Variants in VCAN observed in about 807,000 individuals in gnomAD.
The protein encoded by VCAN is versican.
A neutral mutation model predicts 245.5 loss-of-function variants in VCAN; 44 were observed. The observed-to-expected ratio is 0.18, with a 90% CI of 0.14 to 0.23. VCAN has a LOEUF of 0.23. Among genes scored for constraint, VCAN ranks in the 10% least tolerant of loss-of-function variants. The pLI is 1.00. For synonymous variants in VCAN, 1,413 were observed against 1,437.0 expected (o/e 0.98, Z 0.38); for missense variants, 3,793 against 4,057.9 (o/e 0.93, Z 1.77).
chr5:83,562,848 C>T (rs1177873575), intron 12 of VCAN, among the ~76,000 whole-genome samples: 6 of 141,700 alleles, frequency 4.2e-5, no homozygotes, highest in African/African-American at 1.5e-4. Context: ...TCACAGTGGT[C>T]TCACAGTGCG....
rs1197163635 is a variant in VCAN at position 83,512,160 on chromosome 5, A to C, written c.806A>C (p.Glu269Ala). ...SKFTFEEAAKECENQDARLAT... is the reference protein window; with the variant it reads ...SKFTFEEAAKACENQDARLAT... ...TTCACCTTCGAGGAGGCTGCAAAAG[A>C]GTGTGAAAACCAGGATGCCAGGCTG... Residue 269 changes from glutamate (E) to alanine (A), a missense_variant, in exon 6 of 15, where the codon GAG becomes GCG. This residue lies in a region of VCAN where 190 missense variants were observed against 288.6 expected (regional missense o/e 0.66). Coordinates refer to ENST00000265077, the MANE Select transcript of VCAN (RefSeq NM_004385.5). The C allele has an allele frequency of 1.2e-6, 2 of 1,613,948 alleles. No homozygotes were observed. The highest frequency in any genetic ancestry group is 1.7e-6 in the Non-Finnish European group (2 of 1,180,028).
At chr5:83,478,028 C>T (rs762238380) in intron 1 of VCAN, among the ~76,000 whole-genome samples, 8 of 151,632 alleles carry the variant, frequency 5.3e-5, no homozygotes, top group Middle Eastern at 3.4e-3. Flanking sequence ...CTGCAACCTC[C>T]GCCTTCCAGG....
chr5:83,495,952 T>TATCA (rs1436880593), intron 5 of VCAN, among the ~76,000 whole-genome samples: 1 of 152,214 alleles, frequency 6.6e-6, no homozygotes, highest in Non-Finnish European at 1.5e-5. Flanking sequence ...ATAGAGCTAC[T>TATCA]ATCAGCTCTT....
intron 13 of VCAN, among the ~76,000 whole-genome samples, chr5:83,576,149 A>G (rs1748466368): frequency 6.6e-6 from 1 of 152,070 alleles, no homozygotes; most frequent in East Asian, 1.9e-4. Context: ...GTATCTGTGG[A>G]GTATCCTGTG....
At chr5:83,479,519 G>A (rs1744540220) in intron 1 of VCAN, among the ~76,000 whole-genome samples, 1 of 152,098 alleles carries the variant, frequency 6.6e-6, no homozygotes, top group Non-Finnish European at 1.5e-5. Flanking sequence ...CACTGGAGTA[G>A]AAGGCTAAAT....
In VCAN at chr5:83,519,730, A is replaced by T; in HGVS notation, c.1424A>T (p.Asp475Val). Residue 475 changes from aspartate to valine, a missense_variant, in exon 7 of 15, where the codon GAT becomes GTT. Around this residue, in one of 5 missense-constraint regions of VCAN, gnomAD observed 3,182 missense variants for 3,250.3 expected, o/e 0.98. Transcript: ENST00000265077. ...TCTCATTATGCTACGGATTCATGGG[A>T]TGGTGTCGTGGAAGATAAACAAACA... ...GVSHYATDSWDGVVEDKQTQE... is the reference protein window; with the variant it reads ...GVSHYATDSWVGVVEDKQTQE... 6.2e-7 allele frequency: 1 copy of T among 1,614,160 alleles called. No homozygotes were observed. Among genetic ancestry groups the T allele is most frequent in the Middle Eastern group, 1.6e-4 (1 of 6,062 alleles).
rs146336600 is a variant in VCAN at position 83,541,092 on chromosome 5, C to G, written c.8089C>G (p.Arg2697Gly). 1 of 1,614,046 alleles carries G rather than the reference C, an allele frequency of 6.2e-7. No homozygotes were observed. Among genetic ancestry groups the G allele is most frequent in the Non-Finnish European group, 8.5e-7 (1 of 1,179,980 alleles). Residue 2697 changes from arginine (R) to glycine (G), a missense_variant, in exon 8 of 15, where the codon CGT becomes GGT. Arg to Gly is a moderately radical substitution (Grantham distance 125). Transcript: ENST00000265077. Reference protein sequence around the residue: ...LPTATSLPIPRKSATVIPEIE... With the variant: ...LPTATSLPIPGKSATVIPEIE... ...CACGGCAACATCCCTGCCAATTCCT[C>G]GTAAGTCTGCCACAGTTATTCCAGA...
At position 83,512,236 on chromosome 5, in the gene VCAN, C is replaced by T. The variant is rs751444743; in HGVS notation, c.882C>T (p.Cys294=). Residue 294 remains cysteine, a synonymous_variant, in exon 6 of 15, where the codon TGC becomes TGT. Transcript: ENST00000265077. ...CATGGAGGAACGGCTTTGACCAGTG[C>T]GATTACGGGTGGCTGTCGGATGCCA... ...QAAWRNGFDQ[C]DYGWLSDASV... is the part of the protein sequence containing the mutation. 31 of 1,613,978 alleles carry T rather than the reference C, an allele frequency of 1.9e-5. No individual in the cohort carries two copies. Among genetic ancestry groups the T allele is most frequent in the Admixed American group, 5.0e-5 (3 of 59,992 alleles).
chr5:83,530,620 G>T (rs1286068944), intron 7 of VCAN, among the ~76,000 whole-genome samples: 2 of 151,994 alleles, frequency 1.3e-5, no homozygotes, highest in Non-Finnish European at 1.5e-5. Context: ...GCCTATTTTT[G>T]TCACTTTAGA....
intron 12 of VCAN, among the ~76,000 whole-genome samples, chr5:83,565,581 T>G (rs13164785): frequency 0.2 from 29,810 of 152,058 alleles, 3,235 homozygotes; most frequent in South Asian, 0.42. Flanking sequence ...TTCTAAACAG[T>G]GTCTGACTCT....
At chr5:83,547,863 A>T in intron 9 of VCAN, 108 bp from the exon 10 acceptor site, 1 of 821,662 alleles carries the variant, frequency 1.2e-6, no homozygotes, top group Non-Finnish European at 2.1e-6. Flanking sequence ...AAAATCTGAA[A>T]TTCAAATTTA....
At chr5:83,529,635 T>A (rs1348701559) in intron 7 of VCAN, among the ~76,000 whole-genome samples, 1 of 152,138 alleles carries the variant, frequency 6.6e-6, no homozygotes, top group Non-Finnish European at 1.5e-5. Context: ...ACAGTCTGTT[T>A]GGTCTTGTAT....
Position 83,519,697 on chromosome 5 carries a change from C to G in VCAN, c.1391C>G (p.Thr464Ser). 6.2e-7 allele frequency: 1 copy of G among 1,614,192 alleles called. No homozygotes were observed. The highest frequency in any genetic ancestry group is 8.5e-7 in the Non-Finnish European group (1 of 1,179,994). ...AAGGAAGAAGTGCTCCAGAGTACAA[C>G]TGGCGTCTCTCATTATGCTACGGAT... ...EIKEEVLQST[T>S]GVSHYATDSW... The change falls in exon 7 of 15, where the codon ACT (threonine) becomes AGT (serine). Residue 464 changes from threonine (T) to serine (S), a missense_variant. Transcript: ENST00000265077.
chr5:83,522,679 C>T (rs1746151643), intron 7 of VCAN, among the ~76,000 whole-genome samples: 1 of 152,170 alleles, frequency 6.6e-6, no homozygotes. Flanking sequence ...TGGTCTTTAA[C>T]TATTAACCTT....
chr5:83,572,278 A>G (rs1336185079), intron 12 of VCAN, 138 bp from the exon 13 acceptor site: 13 of 1,044,092 alleles, frequency 1.2e-5, no homozygotes, highest in Non-Finnish European at 1.9e-5. Flanking sequence ...CTTTTTCTGT[A>G]CCACCAAAAT....
intron 6 of VCAN, chr5:83,512,619 C>A (rs748087098): frequency 1.6e-5 from 9 of 566,194 alleles, no homozygotes; most frequent in Non-Finnish European, 2.2e-5. Flanking sequence ...GAGGAAATAT[C>A]AGGTTAAGCT....
chr5:83,511,165 G>C (rs539244633), intron 5 of VCAN, among the ~76,000 whole-genome samples: 2 of 150,902 alleles, frequency 1.3e-5, no homozygotes, highest in Non-Finnish European at 1.5e-5. Flanking sequence ...TTTTCGAGAC[G>C]GAGTCTCGCT....
rs775913629 is a variant in VCAN, at chr5:83,519,784, T to C, written c.1478T>C (p.Ile493Thr). Residue 493 changes from isoleucine (I) to threonine (T), a missense_variant, in exon 7 of 15, where the codon ATA (isoleucine) becomes ACA (threonine). By Grantham distance (89) the Ile-to-Thr change is moderately conservative (BLOSUM62 -1). Around this residue, in one of 5 missense-constraint regions of VCAN, gnomAD observed 3,182 missense variants for 3,250.3 expected, o/e 0.98. Coordinates refer to ENST00000265077, the MANE Select transcript of VCAN (RefSeq NM_004385.5). ...GAATCGGTTACACAGATTGAACAAA[T>C]AGAAGTGGGTCCTTTGGTAACATCT... The part of the protein sequence containing the change: ...TQESVTQIEQ[I>T]EVGPLVTSME... The C allele has an allele frequency of 6.8e-6, 11 of 1,613,978 alleles. No individual in the cohort carries two copies. The highest frequency in any genetic ancestry group is 5.0e-5 in the Admixed American group (3 of 59,986).
chr5:83,534,740 A>G (rs1181265181), intron 7 of VCAN, among the ~76,000 whole-genome samples: 3 of 152,104 alleles, frequency 2.0e-5, no homozygotes, highest in Non-Finnish European at 4.4e-5. Context: ...AGTTTTAGCA[A>G]TGAGAGACTC....
Sources: allele counts gnomAD v4.1 joint callset (sites outside exome capture counted in the v4.1 genomes callset), GRCh38; gene constraint gnomAD v4.1.1; regional missense constraint gnomAD v4.1.1; transcripts MANE v1.5; gene names NCBI Gene and HGNC (gene_info 2026-07-23, HGNC 2026-07-21).